The following CACNA1S variants were observed in gnomAD, a reference collection of about 807,000 sequenced individuals.
CACNA1S encodes the protein calcium voltage-gated channel subunit alpha1 S.
In CACNA1S, 126 loss-of-function variants were observed where a neutral mutation model predicts 207.4. That is an observed-to-expected ratio of 0.61 (90% confidence interval 0.53 to 0.70). The LOEUF is 0.70. Among genes scored for constraint, CACNA1S ranks in the 30% least tolerant of loss-of-function variants. The pLI, the probability that CACNA1S is intolerant of heterozygous loss-of-function variation, is 0.00. For synonymous variants in CACNA1S, 960 were observed against 932.7 expected (o/e 1.03, Z -0.53); for missense variants, 2,349 against 2,422.8 (o/e 0.97, Z 0.64).
intron 2 of CACNA1S, among the ~76,000 whole-genome samples, chr1:201,108,198 C>T (rs915251970): frequency 2.6e-5 from 4 of 151,800 alleles, no homozygotes; most frequent in Non-Finnish European, 5.9e-5. Context: ...CTCGACCTCC[C>T]AGGCTCAAGC....
At chr1:201,075,449 AC>A in intron 13 of CACNA1S, 45 bp downstream of exon 13, 1 of 1,063,592 alleles carries the variant, frequency 9.4e-7, no homozygotes. Context: ...CCTTTCCCCC[AC>A]CCCCTCCCTA....
intron 28 of CACNA1S, among the ~76,000 whole-genome samples, chr1:201,054,809 C>G (rs1309239031): frequency 6.6e-6 from 1 of 152,122 alleles, no homozygotes; most frequent in East Asian, 1.9e-4. Flanking sequence ...GGAGGGAAGG[C>G]TGGACACAGA....
At chr1:201,099,358 T>C (rs1281417436) in intron 2 of CACNA1S, among the ~76,000 whole-genome samples, 1 of 152,136 alleles carries the variant, frequency 6.6e-6, no homozygotes, top group East Asian at 1.9e-4. Flanking sequence ...GAAAGGACCT[T>C]ACTGGGCTGG....
At chr1:201,056,078 C>G (rs111567247) in intron 28 of CACNA1S, among the ~76,000 whole-genome samples, 5 of 136,910 alleles carry the variant, frequency 3.7e-5, no homozygotes, top group African/African-American at 7.9e-5. Context: ...CAGACACACA[C>G]ACACACACAC....
chr1:201,073,439 TA>T, intron 15 of CACNA1S, 109 bp downstream of exon 15: 2 of 898,426 alleles, frequency 2.2e-6, no homozygotes, highest in African/African-American at 1.6e-5. Flanking sequence ...ACCTGGCTGA[TA>T]ACTCTCCTAC....
chr1:201,076,997 TC>T lies in CACNA1S; in HGVS notation c.1749del (p.Arg584GlyfsTer28). 6.2e-7 allele frequency: 1 copy of T among 1,613,768 alleles called. No individual in the cohort carries two copies. Among genetic ancestry groups the T allele is most frequent in the Non-Finnish European group, 8.5e-7 (1 of 1,179,968 alleles). On this transcript the variant is annotated frameshift_variant, in exon 12 of 44. Coordinates refer to ENST00000362061, the MANE Select transcript of CACNA1S (RefSeq NM_000069.3). LOFTEE classifies it high-confidence loss of function. ...ACTTCTGTGTCTTCAAAGTCATACC[TC>T]CCCCCAAAGAGCTGCATGCCCAGGA... ...FALLGMQLFG[G>X]RYDFEDTEVR...
chr1:201,068,140 C>A (rs989498168), intron 19 of CACNA1S, among the ~76,000 whole-genome samples: 5 of 151,196 alleles, frequency 3.3e-5, no homozygotes, highest in African/African-American at 9.7e-5. Flanking sequence ...GCAGCAGTCA[C>A]TTCTCTGGGG....
intron 2 of CACNA1S, among the ~76,000 whole-genome samples, chr1:201,109,878 G>T (rs1367490166): frequency 1.3e-5 from 2 of 152,242 alleles, no homozygotes; most frequent in South Asian, 2.1e-4. Context: ...TGAGTTGGTT[G>T]TGAGGATTAA....
intron 2 of CACNA1S, among the ~76,000 whole-genome samples, chr1:201,100,465 A>G (rs1022176289): frequency 2.6e-5 from 4 of 152,224 alleles, no homozygotes; most frequent in African/African-American, 9.6e-5. Flanking sequence ...GGAAGTGGCT[A>G]TGTTTAGCCC....
chr1:201,049,016 C>T lies in CACNA1S; in HGVS notation c.4325G>A (p.Arg1442Gln), dbSNP rs753409023. ...AGCTCTGGTTACCTTACAAGCTACC[C>T]GATGTGGGCAGAACTTCCCAAAGCC... is the stretch of plus-strand genomic sequence containing the variant. ...PLGFGKFCPH[R>Q]VACKRLVGMN... The change falls in exon 35 of 44, where the codon CGG becomes CAG. Residue 1442 changes from arginine to glutamine, a missense_variant. Transcript: ENST00000362061. 5.0e-6 allele frequency: 8 copies of T among 1,613,556 alleles called. No homozygotes were observed. The highest frequency in any genetic ancestry group is 2.2e-5 in the East Asian group (1 of 44,872).
chr1:201,092,727 T>C (rs1203256008), intron 3 of CACNA1S, among the ~76,000 whole-genome samples: 1 of 152,224 alleles, frequency 6.6e-6, no homozygotes, highest in Non-Finnish European at 1.5e-5. Flanking sequence ...TATTATTCTG[T>C]ACGCATTTGT....
At chr1:201,062,731 T>G (rs1572036600) in intron 22 of CACNA1S, among the ~76,000 whole-genome samples, 1 of 151,906 alleles carries the variant, frequency 6.6e-6, no homozygotes, top group Non-Finnish European at 1.5e-5. Flanking sequence ...TTCCCACAGC[T>G]CCCCCAGGGC....
At chr1:201,051,860 C>T (rs187371919) in intron 32 of CACNA1S, among the ~76,000 whole-genome samples, 4 of 152,128 alleles carry the variant, frequency 2.6e-5, no homozygotes, top group Admixed American at 1.3e-4. Context: ...AGAGCTGGGG[C>T]GAGGTGGGAA....
Position 201,050,752 on chromosome 1 carries a change from C to CA in CACNA1S, c.4113+231dup, listed in dbSNP as rs942177375. ...TCCTTTTGATGAGTGCTAACCAAAACAAAAAAAAAAAGTAAGAACTTTTGG... is the reference window on the plus strand; with the variant it reads ...TCCTTTTGATGAGTGCTAACCAAAACAAAAAAAAAAAAGTAAGAACTTTTGG... On this transcript the variant is annotated intron_variant, in intron 33 of 43. Coordinates refer to ENST00000362061, the MANE Select transcript of CACNA1S (RefSeq NM_000069.3). Among the ~76,000 whole-genome samples the CA allele has an allele frequency of 3.6e-4, 52 of 142,496 alleles. 1 individual carries two copies. Among genetic ancestry groups the CA allele is most frequent in the South Asian group, 6.7e-4 (3 of 4,488 alleles). 93.5% of individuals were successfully genotyped at this position (142,496 alleles called of 152,430 possible). A position where few individuals can be genotyped will look rare whatever the true frequency, so the allele number is the denominator to read the frequency against.
intron 2 of CACNA1S, among the ~76,000 whole-genome samples, chr1:201,102,249 G>A (rs557609116): frequency 1.3e-5 from 2 of 152,128 alleles, no homozygotes; most frequent in East Asian, 1.9e-4. Context: ...GAAAGGCCTC[G>A]GATCCCAGTG....
chr1:201,063,767 T>C (rs1160256235), intron 22 of CACNA1S, among the ~76,000 whole-genome samples: 1 of 152,192 alleles, frequency 6.6e-6, no homozygotes, highest in Non-Finnish European at 1.5e-5. Flanking sequence ...TCCTATCACA[T>C]GCCCTTTTTA....
At chr1:201,089,771 C>A (rs182261396) in intron 5 of CACNA1S, among the ~76,000 whole-genome samples, 65 of 152,276 alleles carry the variant, frequency 4.3e-4, no homozygotes, top group African/African-American at 1.5e-3. Context: ...GTCATTTGTC[C>A]CCACAGAACT....
chr1:201,062,532 G>A lies in CACNA1S; in HGVS notation c.2854-18C>T, dbSNP rs767206744. On this transcript the variant is annotated intron_variant, in intron 22 of 43. Transcript: ENST00000362061. The stretch of plus-strand genomic sequence containing the variant: ...AACTTCCCCTGCAGCCAGGAAGAGG[G>A]AGGGAGGGAGGGAGGCATGTTGTCA... The A allele has an allele frequency of 2.0e-6, 3 of 1,502,378 alleles. No homozygotes were observed. The highest frequency in any genetic ancestry group is 2.2e-5 in the South Asian group (2 of 88,958). The allele number at this position is 1,502,378 out of a possible 1,614,324, so 93.1% of individuals were successfully genotyped here. A position where few individuals can be genotyped will look rare whatever the true frequency, so the allele number is the denominator to read the frequency against.
chr1:201,046,613 G>A (rs1294266403), intron 38 of CACNA1S, among the ~76,000 whole-genome samples: 1 of 151,922 alleles, frequency 6.6e-6, no homozygotes, highest in Non-Finnish European at 1.5e-5. Flanking sequence ...CTCAATCTCG[G>A]TTCACTGCAA....
Sources: allele counts gnomAD v4.1 joint callset (sites outside exome capture counted in the v4.1 genomes callset), GRCh38; gene constraint gnomAD v4.1.1; transcripts MANE v1.5; gene names NCBI Gene and HGNC (gene_info 2026-07-23, HGNC 2026-07-21).